The following CHD1 variants were observed in gnomAD, a reference collection of about 807,000 sequenced individuals.
CHD1 encodes the protein chromodomain helicase DNA binding protein 1, also known as ATP-dependent chromatin remodeler CHD1.
CHD1 carries 36 observed loss-of-function variants against 224.2 expected under a neutral mutation model. That is an observed-to-expected ratio of 0.16 (90% CI 0.12 to 0.21). The LOEUF is 0.21. Ranked by LOEUF, CHD1 falls within the 10% of genes least tolerant of loss-of-function variation. The pLI is 1.00. For synonymous variants in CHD1, 668 were observed against 658.3 expected, an observed-to-expected ratio of 1.01 and a Z score of -0.23; for missense variants, 1,378 against 1,994.8, an observed-to-expected ratio of 0.69 and a Z score of 5.89.
chr5:98,908,371 T>A (rs1450341070), intron 2 of CHD1, among the ~76,000 whole-genome samples: 1 of 152,178 alleles, frequency 6.6e-6, no homozygotes, highest in Non-Finnish European at 1.5e-5. Flanking sequence ...CCAAAACTTC[T>A]GGAATATATA....
intron 7 of CHD1, 70 bp downstream of exon 7, chr5:98,900,741 T>G: frequency 7.3e-7 from 1 of 1,377,672 alleles, no homozygotes; most frequent in East Asian, 2.3e-5. Context: ...GGCGACCCAC[T>G]GTGCCCAGCC....
At chr5:98,868,770 TTTTAA>T (rs747334243) in intron 30 of CHD1, 135 bp from the exon 31 acceptor site, 244 of 867,644 alleles carry the variant, frequency 2.8e-4, no homozygotes, top group Non-Finnish European at 3.8e-4. Flanking sequence ...TCCTCATCTA[TTTTAA>T]TTTGTTTTTT....
In CHD1 at chr5:98,897,331, A is replaced by G; in HGVS notation, c.1366-11T>C. ...CCTTTGTTTTAATACCTTTAGTAGA[A>G]ATAAACATTATTATGTAGAGTTATT... On this transcript the variant is annotated splice_polypyrimidine_tract_variant and intron_variant, in intron 10 of 35. Transcript: ENST00000614616. 1 of 1,553,504 alleles carries G rather than the reference A, an allele frequency of 6.4e-7. No individual in the cohort carries two copies. Among genetic ancestry groups the G allele is most frequent in the Non-Finnish European group, 8.8e-7 (1 of 1,136,886 alleles).
At chr5:98,904,863 C>T in intron 3 of CHD1, 34 bp downstream of exon 3, 1 of 1,597,928 alleles carries the variant, frequency 6.3e-7, no homozygotes, top group East Asian at 2.2e-5. Context: ...GTAATACAAG[C>T]AATCTACCTT....
At chr5:98,880,692 TTTC>T (rs1428523521) in intron 22 of CHD1, among the ~76,000 whole-genome samples, 2 of 152,238 alleles carry the variant, frequency 1.3e-5, no homozygotes, top group Non-Finnish European at 2.9e-5. Flanking sequence ...TTACTTGAGT[TTTC>T]TTATTTGTGA....
At chr5:98,892,450 G>T in intron 15 of CHD1, 75 bp downstream of exon 15, 1 of 1,031,272 alleles carries the variant, frequency 9.7e-7, no homozygotes, top group Non-Finnish European at 1.4e-6. Context: ...GAAGGTGGGG[G>T]CACCAAAAGC....
At chr5:98,875,192 T>A (rs1202411041) in intron 24 of CHD1, 79 bp from the exon 25 acceptor site, 4 of 812,282 alleles carry the variant, frequency 4.9e-6, no homozygotes, top group Non-Finnish European at 8.1e-6. Context: ...TTTACAGATA[T>A]AAGAAAATAC....
intron 22 of CHD1, 97 bp downstream of exon 22, chr5:98,880,979 C>T (rs1712612343): frequency 1.3e-6 from 1 of 759,456 alleles, no homozygotes; most frequent in Non-Finnish European, 2.3e-6. Flanking sequence ...AGCAATCTTC[C>T]TGATTATGCT....
intron 2 of CHD1, among the ~76,000 whole-genome samples, chr5:98,919,023 G>A (rs920545614): frequency 2.6e-5 from 4 of 152,044 alleles, no homozygotes; most frequent in Non-Finnish European, 5.9e-5. Context: ...ATCACCCCTA[G>A]ATTATAATAA....
At position 98,901,811 on chromosome 5, in the gene CHD1, GTAT is replaced by G. The variant is rs376928259; in HGVS notation, c.438-479_438-477del. ...AATATTCAATCTGAGTACCTTACCT[GTAT>G]TATTATTTTTAGTCTATTAAGTCTA... On this transcript the variant is annotated intron_variant, in intron 5 of 35. Transcript: ENST00000614616. 3.5e-4 allele frequency among the ~76,000 whole-genome samples: 53 copies of G among 150,736 alleles called. 1 individual carries two copies. The East Asian group carries it at 6.6e-3, about 19-fold the overall frequency.
chr5:98,911,138 A>ATATATATATATATAT, intron 2 of CHD1, among the ~76,000 whole-genome samples: 1 of 84,178 alleles, frequency 1.2e-5, no homozygotes, highest in Non-Finnish European at 2.3e-5. Context: ...ATGAAAAAAA[A>ATATATATATATATAT]AAAAAAAAAT....
chr5:98,923,788 A>AT (rs1205595306), intron 2 of CHD1, among the ~76,000 whole-genome samples: 1 of 152,200 alleles, frequency 6.6e-6, no homozygotes, highest in East Asian at 1.9e-4. Context: ...ATGGCAGAAA[A>AT]ATATATAAAA....
At chr5:98,927,221 T>A in intron 1 of CHD1, among the ~76,000 whole-genome samples, 1 of 152,072 alleles carries the variant, frequency 6.6e-6, no homozygotes, top group Non-Finnish European at 1.5e-5. Context: ...ACGTAAAAAA[T>A]TTGGGGCAAG....
chr5:98,924,163 T>G (rs969145835), intron 2 of CHD1, among the ~76,000 whole-genome samples: 5 of 152,108 alleles, frequency 3.3e-5, no homozygotes, highest in African/African-American at 1.2e-4. Context: ...GAGAATCGTT[T>G]GAGCCCAGGA....
intron 30 of CHD1, 82 bp downstream of exon 30, chr5:98,869,672 T>A: frequency 6.8e-7 from 1 of 1,472,144 alleles, no homozygotes; most frequent in South Asian, 1.2e-5. Context: ...ACCTAAAATA[T>A]AAATTTTAAA....
rs142803574 is a variant in CHD1, at chr5:98,859,421, G to A, written c.4525-406C>T. On this transcript the variant is annotated intron_variant, in intron 33 of 35. Coordinates refer to ENST00000614616, the MANE Select transcript of CHD1 (RefSeq NM_001270.4). ...TCCACTAATGTTCTTTATCTGCTCG[G>A]GGATTCGATTTGGAAGCCCATATTA... Among the ~76,000 whole-genome samples, 36 of 152,106 alleles carry A rather than the reference G, an allele frequency of 2.4e-4. No individual in the cohort carries two copies. The East Asian group carries it at 5.2e-3, about 22-fold the overall frequency.
chr5:98,900,677 G>C, intron 7 of CHD1, 134 bp downstream of exon 7: 1 of 727,298 alleles, frequency 1.4e-6, no homozygotes. Context: ...CTGACCTCAG[G>C]TCTAGAACTC....
At chr5:98,923,988 G>A (rs1009167482) in intron 2 of CHD1, among the ~76,000 whole-genome samples, 1 of 152,178 alleles carries the variant, frequency 6.6e-6, no homozygotes, top group Non-Finnish European at 1.5e-5. Flanking sequence ...GGGTGTGGCA[G>A]CTCACACCTG....
At chr5:98,858,927 T>G in intron 34 of CHD1, 37 bp downstream of exon 34, 1 of 1,437,398 alleles carries the variant, frequency 7.0e-7, no homozygotes, top group Non-Finnish European at 9.2e-7. Flanking sequence ...AAAAAATTTT[T>G]TTTAATTTAT....
Sources: gnomAD v4.1 joint callset for allele counts (sites outside exome capture counted in the v4.1 genomes callset) on GRCh38, gnomAD v4.1.1 for gene constraint, MANE v1.5 for transcripts, NCBI Gene and HGNC (gene_info 2026-07-23, HGNC 2026-07-21) for gene names.